The following AK3 variants were observed in gnomAD, a reference collection of about 807,000 sequenced individuals.
AK3 encodes GTP:AMP phosphotransferase AK3, mitochondrial.
A neutral mutation model predicts 23.7 loss-of-function variants in AK3; 27 were observed. That is an observed-to-expected ratio of 1.14 (90% CI 0.84 to 1.57). AK3 has a LOEUF of 1.57. Among genes scored for constraint, AK3 ranks in the 40% most tolerant of loss-of-function variants. AK3 has a pLI of 0.00. For synonymous variants in AK3, 159 were observed against 116.0 expected (o/e 1.37, Z -2.38); for missense variants, 406 against 285.6 (o/e 1.42, Z -3.04).
chr9:4,741,240 C>T, upstream of AK3: 1 of 827,010 alleles, frequency 1.2e-6, no homozygotes, highest in East Asian at 3.4e-5. Context: ...GCCGACAGCC[C>T]CTGGGGCCGC....
intron 1 of AK3, among the ~76,000 whole-genome samples, chr9:4,728,960 CA>C (rs1185878799): frequency 0.27 from 37,141 of 139,146 alleles, 6,272 homozygotes; most frequent in Non-Finnish European, 0.36. Flanking sequence ...TATATATACA[CA>C]TACATATATA....
chr9:4,739,653 C>T (rs1236748844), intron 1 of AK3, among the ~76,000 whole-genome samples: 1 of 151,920 alleles, frequency 6.6e-6, no homozygotes, highest in Non-Finnish European at 1.5e-5. Context: ...ACACGTTGGC[C>T]GGGCGCGGTG....
intron 4 of AK3, 41 bp from the exon 5 acceptor site, chr9:4,713,137 G>C: frequency 6.2e-7 from 1 of 1,603,752 alleles, no homozygotes; most frequent in South Asian, 1.1e-5. Flanking sequence ...ACACAGGTCT[G>C]AGTCTTCCTA....
chr9:4,711,334 T>A lies in AK3; in HGVS notation c.*1642A>T, dbSNP rs1395054708. On this transcript the variant is annotated 3_prime_UTR_variant, in exon 5 of 5. Transcript: ENST00000381809. Reference sequence around the variant, plus strand: ...TAATATATGCTTGATAACCTAGTGATAATCCATAAGTTTGGTATTTCACAA... The same window carrying A: ...TAATATATGCTTGATAACCTAGTGAAAATCCATAAGTTTGGTATTTCACAA... The A allele has an allele frequency of 1.3e-5, 2 of 152,286 alleles. No homozygotes were observed. Among genetic ancestry groups the A allele is most frequent in the Non-Finnish European group, 2.9e-5 (2 of 67,928 alleles). The allele number at this position is 152,286 out of a possible 1,614,324, so 9.4% of individuals were successfully genotyped here. A position where few individuals can be genotyped will look rare whatever the true frequency, so the allele number is the denominator to read the frequency against.
In AK3 at chr9:4,713,084, C is replaced by T. The variant is rs761350717; in HGVS notation, c.576G>A (p.Val192=). ...PVLEYYQKKG[V]LETFSGTETN... is the part of the protein sequence containing the mutation. ...TTTCTGTTCCGGAGAATGTTTCCAG[C>T]ACCCCTTTTTTCCTAAAGATGAAAC... is the stretch of plus-strand genomic sequence containing the variant. The change falls in exon 5 of 5, where the codon GTG becomes GTA. Residue 192 remains valine (V), a synonymous_variant. Transcript: ENST00000381809. The T allele has an allele frequency of 2.5e-5, 41 of 1,613,550 alleles. No individual in the cohort carries two copies. The highest frequency in any genetic ancestry group is 3.4e-5 in the Non-Finnish European group (40 of 1,179,668).
At chr9:4,719,423 C>A in intron 2 of AK3, 116 bp from the exon 3 acceptor site, 1 of 964,368 alleles carries the variant, frequency 1.0e-6, no homozygotes, top group Non-Finnish European at 1.5e-6. Flanking sequence ...ACAATCTGAA[C>A]AAAAGGAATG....
At chr9:4,731,220 G>C (rs191747391) in intron 1 of AK3, among the ~76,000 whole-genome samples, 1 of 152,120 alleles carries the variant, frequency 6.6e-6, no homozygotes, top group African/African-American at 2.4e-5. Context: ...CATCACCCAG[G>C]TATTAAGCTA....
intron 1 of AK3, 68 bp from the exon 2 acceptor site, chr9:4,722,693 G>A (rs758783814): frequency 8.8e-5 from 141 of 1,598,948 alleles, no homozygotes; most frequent in Non-Finnish European, 1.1e-4. Context: ...ACCTCGGAAC[G>A]AGTTGCCTAA....
At chr9:4,721,783 T>A (rs1471126074) in intron 2 of AK3, among the ~76,000 whole-genome samples, 1 of 152,212 alleles carries the variant, frequency 6.6e-6, no homozygotes, top group Non-Finnish European at 1.5e-5. Context: ...ATTTACCTCT[T>A]AGCACTTATA....
chr9:4,717,454 G>C (rs1841767161), intron 4 of AK3, among the ~76,000 whole-genome samples: 1 of 152,188 alleles, frequency 6.6e-6, no homozygotes, highest in African/African-American at 2.4e-5. Flanking sequence ...TGAGGGATTA[G>C]CTGCCATCTG....
chr9:4,722,492 G>A lies in AK3; in HGVS notation c.271+14C>T. 4 of 1,614,054 alleles carry A rather than the reference G, an allele frequency of 2.5e-6. No homozygotes were observed. The highest frequency in any genetic ancestry group is 3.4e-6 in the Non-Finnish European group (4 of 1,179,980). Reference sequence around the variant, plus strand: ...TATTTTGGGCAGGTGAAATGCTCATGAGACTCCACTTACCATCCAACAGCC... The same window carrying A: ...TATTTTGGGCAGGTGAAATGCTCATAAGACTCCACTTACCATCCAACAGCC... On this transcript the variant is annotated intron_variant, in intron 2 of 4. Transcript: ENST00000381809.
Position 4,719,222 on chromosome 9 carries a change from C to T in AK3, c.357G>A (p.Glu119=), listed in dbSNP as rs1039466348. The T allele has an allele frequency of 3.7e-6, 6 of 1,611,862 alleles. No individual in the cohort carries two copies. Among genetic ancestry groups the T allele is most frequent in the Non-Finnish European group, 4.2e-6 (5 of 1,179,828 alleles). ...GAGCAGTAAGGCGTTGTTTAATGAC[C>T]TCAAAGGGCACATTCAGGTTAATCA... ...DTVINLNVPF[E]VIKQRLTARW... is the part of the protein sequence containing the mutation. Residue 119 remains glutamate, a synonymous_variant, in exon 3 of 5, where the codon GAG becomes GAA. Coordinates refer to ENST00000381809, the MANE Select transcript of AK3 (RefSeq NM_016282.4).
At chr9:4,727,830 G>A (rs377040411) in intron 1 of AK3, among the ~76,000 whole-genome samples, 1 of 152,254 alleles carries the variant, frequency 6.6e-6, no homozygotes, top group East Asian at 1.9e-4. Context: ...TGAGAGATGT[G>A]CCACTCTCTT....
chr9:4,741,838 C>G (rs1165975426), upstream of AK3: 1 of 151,022 alleles, frequency 6.6e-6, no homozygotes, highest in East Asian at 1.9e-4. Flanking sequence ...GACCGCCAGA[C>G]CCCCCGCTTC....
At chr9:4,726,472 A>G (rs1842026615) in intron 1 of AK3, among the ~76,000 whole-genome samples, 1 of 152,200 alleles carries the variant, frequency 6.6e-6, no homozygotes, top group Admixed American at 6.5e-5. Context: ...CACCAGGACT[A>G]GATTCTACCT....
Position 4,741,019 on chromosome 9 carries a change from C to G in AK3, c.69G>C (p.Val23=), listed in dbSNP as rs933506411. ...MGAPGSGKGT[V]SSRITTHFEL... ...CGAAGTGTGTAGTGATGCGCGACGA[C>G]ACGGTGCCCTTGCCCGAGCCCGGGG... The change falls in exon 1 of 5, where the codon GTG becomes GTC. Residue 23 remains valine, a synonymous_variant. Transcript: ENST00000381809. 1.9e-6 allele frequency: 3 copies of G among 1,591,146 alleles called. No individual in the cohort carries two copies. In the African/African-American group the frequency reaches 4.1e-5, roughly 22 times the overall value.
At chr9:4,736,104 G>A (rs1457976565) in intron 1 of AK3, among the ~76,000 whole-genome samples, 3 of 133,446 alleles carry the variant, frequency 2.2e-5, no homozygotes, top group African/African-American at 8.6e-5. Flanking sequence ...AACAGAGCGA[G>A]ACTCCATCTC....
In AK3 at chr9:4,719,102, C is replaced by G. The variant is rs77029174; in HGVS notation, c.444+33G>C. 3,066 of 1,610,304 alleles carry G rather than the reference C, an allele frequency of 1.9e-3. 58 individuals carry two copies. In the African/African-American group the frequency reaches 0.036, roughly 19 times the overall value. Reference sequence around the variant, plus strand: ...TAGGGCAAGAGGACTCAGGGACAGTCTGCTATGTGACAGTTCCACAACAAC... The same window carrying G: ...TAGGGCAAGAGGACTCAGGGACAGTGTGCTATGTGACAGTTCCACAACAAC... On this transcript the variant is annotated intron_variant, in intron 3 of 4. Transcript: ENST00000381809.
chr9:4,714,053 C>T (rs866363577), intron 4 of AK3, among the ~76,000 whole-genome samples: 3 of 116,968 alleles, frequency 2.6e-5, no homozygotes, highest in African/African-American at 6.3e-5. Flanking sequence ...CACATATACA[C>T]CTACACATAT....
Sources: allele counts gnomAD v4.1 joint callset (sites outside exome capture counted in the v4.1 genomes callset), GRCh38; gene constraint gnomAD v4.1.1; transcripts MANE v1.5; gene names NCBI Gene and HGNC (gene_info 2026-07-23, HGNC 2026-07-21).